RBFOX1: variants seen among roughly 807,000 people sequenced by gnomAD.
The protein encoded by RBFOX1 is RNA binding protein fox-1 homolog 1.
Under a neutral mutation model 57.7 loss-of-function variants are expected in RBFOX1, and 8 were observed. The ratio of observed to expected loss-of-function variants is 0.14; its 90% CI spans 0.08 to 0.25. The LOEUF is 0.25. Among genes scored for constraint, RBFOX1 ranks in the 10% least tolerant of loss-of-function variants. The pLI is 1.00. For missense variants in RBFOX1, 611 were observed against 548.5 expected (o/e 1.11, Z -1.14); for synonymous variants, 326 against 222.4 (o/e 1.47, Z -4.15).
At chr16:6,392,392 T>G in intron 2 of RBFOX1, among the ~76,000 whole-genome samples, 1 of 152,192 alleles carries the variant, frequency 6.6e-6, no homozygotes, top group East Asian at 1.9e-4. Context: ...ATTATATAAT[T>G]TACTAATAGT....
At chr16:5,781,129 G>C (rs964789406) in intron 3 of RBFOX1, among the ~76,000 whole-genome samples, 2 of 152,192 alleles carry the variant, frequency 1.3e-5, no homozygotes, top group Non-Finnish European at 2.9e-5. Flanking sequence ...GAGATAACCT[G>C]CCGAACAGTC....
intron 3 of RBFOX1, among the ~76,000 whole-genome samples, chr16:5,674,905 G>C (rs2050119598): frequency 6.6e-6 from 1 of 152,104 alleles, no homozygotes; most frequent in Non-Finnish European, 1.5e-5. Context: ...CCAGCACTTT[G>C]GAAGGCTGAG....
chr16:6,926,439 T>C (rs1293864427), intron 3 of RBFOX1, among the ~76,000 whole-genome samples: 2 of 152,202 alleles, frequency 1.3e-5, no homozygotes, highest in African/African-American at 2.4e-5. Flanking sequence ...TTCCCCTGCC[T>C]CCTGATCGGT....
chr16:7,488,675 C>A (rs1368289525), intron 4 of RBFOX1, among the ~76,000 whole-genome samples: 1 of 152,198 alleles, frequency 6.6e-6, no homozygotes, highest in Non-Finnish European at 1.5e-5. Flanking sequence ...TGTCCATCAT[C>A]TATCCATCTA....
chr16:5,286,003 C>T (rs977526243), intron 1 of RBFOX1, among the ~76,000 whole-genome samples: 2 of 152,162 alleles, frequency 1.3e-5, no homozygotes, highest in Non-Finnish European at 2.9e-5. Flanking sequence ...AACTCCTCAC[C>T]TCGTGATCTG....
At chr16:6,302,930 T>A (rs2078994593) in intron 1 of RBFOX1, among the ~76,000 whole-genome samples, 1 of 152,226 alleles carries the variant, frequency 6.6e-6, no homozygotes, top group Admixed American at 6.5e-5. Context: ...CATAAATGAC[T>A]TGAAAAAATG....
chr16:6,045,755 G>A (rs1385992898), intron 1 of RBFOX1, among the ~76,000 whole-genome samples: 3 of 152,228 alleles, frequency 2.0e-5, no homozygotes, highest in African/African-American at 7.2e-5. Flanking sequence ...GTTTCCTTAG[G>A]TGGAAGGTGT....
At chr16:7,037,046 A>G (rs1344365005) in intron 3 of RBFOX1, among the ~76,000 whole-genome samples, 31 of 152,100 alleles carry the variant, frequency 2.0e-4, no homozygotes, top group Non-Finnish European at 1.0e-4. Flanking sequence ...CAGTGAGGAC[A>G]ACCAGAGGTC....
At chr16:5,633,602 G>A (rs1361767333) in intron 3 of RBFOX1, among the ~76,000 whole-genome samples, 2 of 152,134 alleles carry the variant, frequency 1.3e-5, no homozygotes, top group Non-Finnish European at 2.9e-5. Context: ...GGCTGGGTGT[G>A]GTGGCTCACG....
chr16:5,339,480 T>TTTTTTTG (rs2064985840), intron 1 of RBFOX1, among the ~76,000 whole-genome samples: 3 of 111,266 alleles, frequency 2.7e-5, no homozygotes, highest in Non-Finnish European at 5.4e-5. Flanking sequence ...GTTTTTTTTT[T>TTTTTTTG]TTTTTTTTTT....
intron 2 of RBFOX1, among the ~76,000 whole-genome samples, chr16:6,648,678 A>T (rs2154081026): frequency 6.6e-6 from 1 of 152,174 alleles, no homozygotes; most frequent in African/African-American, 2.4e-5. Context: ...TTCCGTGCAA[A>T]CCTCATATTT....
At chr16:6,695,104 A>G (rs183882630) in intron 3 of RBFOX1, among the ~76,000 whole-genome samples, 28 of 152,254 alleles carry the variant, frequency 1.8e-4, no homozygotes, top group East Asian at 3.9e-4. Context: ...TGTCCCAGTG[A>G]ATATTACTGT....
intron 4 of RBFOX1, among the ~76,000 whole-genome samples, chr16:7,076,632 T>G (rs1327460318): frequency 6.6e-6 from 1 of 152,190 alleles, no homozygotes; most frequent in Admixed American, 6.5e-5. Context: ...CATGAAATTT[T>G]TTTCCTCCCA....
chr16:7,373,933 C>T (rs376593615), intron 4 of RBFOX1, among the ~76,000 whole-genome samples: 2 of 152,058 alleles, frequency 1.3e-5, no homozygotes, highest in Non-Finnish European at 2.9e-5. Context: ...TCGTAGCAGC[C>T]CTTTGCAATG....
In RBFOX1 at chr16:7,315,767, G is replaced by C. The variant is rs181930343; in HGVS notation, c.28-202380G>C. ...ATGCACTTTACATTTATATTGTACT[G>C]ATTTTTGTATTTTTGTTTGTTCTCT... On this transcript the variant is annotated intron_variant, in intron 4 of 15. Transcript: ENST00000550418. Among the ~76,000 whole-genome samples, 695 of 152,136 alleles carry C rather than the reference G, an allele frequency of 4.6e-3. 1 individual carries two copies. The highest frequency in any genetic ancestry group is 0.016 in the African/African-American group (650 of 41,494).
At chr16:5,496,366 C>A (rs1443865259) in intron 2 of RBFOX1, among the ~76,000 whole-genome samples, 1 of 152,156 alleles carries the variant, frequency 6.6e-6, no homozygotes, top group Non-Finnish European at 1.5e-5. Flanking sequence ...CCCTCCTGTA[C>A]CATAATAAGC....
chr16:5,434,575 A>G (rs368354832), intron 1 of RBFOX1, among the ~76,000 whole-genome samples: 1 of 151,870 alleles, frequency 6.6e-6, no homozygotes, highest in Non-Finnish European at 1.5e-5. Flanking sequence ...GACACAGCCT[A>G]ACCAAAGTGC....
At chr16:6,840,834 C>G (rs374291816) in intron 3 of RBFOX1, among the ~76,000 whole-genome samples, 6 of 147,564 alleles carry the variant, frequency 4.1e-5, no homozygotes, top group Non-Finnish European at 7.4e-5. Context: ...TTGTGGTGAG[C>G]TGAGATCGTC....
chr16:7,175,930 G>C (rs1311280626), intron 4 of RBFOX1, among the ~76,000 whole-genome samples: 4 of 151,980 alleles, frequency 2.6e-5, no homozygotes, highest in Non-Finnish European at 5.9e-5. Context: ...CAATTCCTCT[G>C]CTGCACAGAC....
Sources: allele counts gnomAD v4.1 joint callset (sites outside exome capture counted in the v4.1 genomes callset), GRCh38; gene constraint gnomAD v4.1.1; transcripts MANE v1.5; gene names NCBI Gene and HGNC (gene_info 2026-07-23, HGNC 2026-07-21).